Variants in ASTN2 observed in about 807,000 individuals in gnomAD.
ASTN2 encodes astrotactin 2.
In ASTN2, 54 loss-of-function variants were observed where a neutral mutation model predicts 139.8. That is an observed-to-expected ratio of 0.39 (90% CI 0.31 to 0.48). The LOEUF is 0.48. Among genes scored for constraint, ASTN2 ranks in the 20% least tolerant of loss-of-function variants. The pLI is 0.95. For missense variants in ASTN2, 1,565 were observed against 1,725.1 expected (o/e 0.91, Z 1.64); for synonymous variants, 756 against 719.5 (o/e 1.05, Z -0.81).
intron 10 of ASTN2, among the ~76,000 whole-genome samples, chr9:116,909,512 G>A (rs1834256537): frequency 6.6e-6 from 1 of 152,078 alleles, no homozygotes; most frequent in African/African-American, 2.4e-5. Flanking sequence ...AATGAGTTCC[G>A]TGTCAGACAT....
chr9:116,749,395 T>C (rs1377975668), intron 13 of ASTN2, among the ~76,000 whole-genome samples: 1 of 152,148 alleles, frequency 6.6e-6, no homozygotes, highest in Non-Finnish European at 1.5e-5. Flanking sequence ...ATGAGAATAC[T>C]GGACATATGG....
chr9:117,198,577 T>C (rs1831590526), intron 3 of ASTN2, among the ~76,000 whole-genome samples: 1 of 152,212 alleles, frequency 6.6e-6, no homozygotes, highest in African/African-American at 2.4e-5. Context: ...AGCCTTGCTA[T>C]TACAAATAGT....
chr9:117,214,512 A>G lies in ASTN2; in HGVS notation c.861T>C (p.Thr287=), dbSNP rs1212503085. Residue 287 remains threonine (T), a synonymous_variant, in exon 3 of 23, where the codon ACT becomes ACC. Transcript: ENST00000313400. ...CACAGTCATAGTCATCCAGGATGGG[A>G]GTCTCCCGGATGGGCACGCCAATGA... The part of the protein sequence containing the change: ...NSVIGVPIRE[T]PILDDYDCEE... 1 of 1,614,110 alleles carries G rather than the reference A, an allele frequency of 6.2e-7. No homozygotes were observed. Among genetic ancestry groups the G allele is most frequent in the Non-Finnish European group, 8.5e-7 (1 of 1,179,980 alleles).
intron 20 of ASTN2, among the ~76,000 whole-genome samples, chr9:116,480,173 G>A (rs1319896104): frequency 1.3e-5 from 2 of 151,764 alleles, no homozygotes; most frequent in East Asian, 3.9e-4. Flanking sequence ...AGGAAGGAAG[G>A]GAGGAAGGGA....
intron 3 of ASTN2, chr9:117,181,180 A>C (rs1255168545): frequency 1.5e-6 from 1 of 677,530 alleles, no homozygotes; most frequent in Non-Finnish European, 2.6e-6. Context: ...AAAGGAACCC[A>C]GTTGGCTTAA....
rs142671264 is a variant in ASTN2, at chr9:116,786,883, G to T, written c.2396+18749C>A. On this transcript the variant is annotated intron_variant, in intron 13 of 22. Coordinates refer to ENST00000313400, the MANE Select transcript of ASTN2 (RefSeq NM_001365068.1). ...CAGGTGAAGATAATTGAGTCATGGG[G>T]GCCATTTCCCCCATCCTGTTCTCAT... 4.8e-3 allele frequency among the ~76,000 whole-genome samples: 738 copies of T among 152,186 alleles called. 2 individuals carry two copies. Among genetic ancestry groups the T allele is most frequent in the African/African-American group, 0.017 (713 of 41,534 alleles).
intron 2 of ASTN2, among the ~76,000 whole-genome samples, chr9:117,259,799 G>T (rs1588141740): frequency 6.6e-6 from 1 of 152,060 alleles, no homozygotes; most frequent in African/African-American, 2.4e-5. Flanking sequence ...CTGTTGTTAG[G>T]AACCCCTGAG....
chr9:117,217,432 G>A (rs2133029375), intron 2 of ASTN2, among the ~76,000 whole-genome samples: 1 of 152,268 alleles, frequency 6.6e-6, no homozygotes, highest in Middle Eastern at 3.4e-3. Flanking sequence ...ACTGACCTAG[G>A]AAAGATGAGG....
Position 116,956,138 on chromosome 9 carries a change from C to T in ASTN2, c.1889+19070G>A, listed in dbSNP as rs1471653217. The stretch of plus-strand genomic sequence containing the variant: ...GAGATGGAGTTTCACTCTTGTTGCC[C>T]AGGCTGGAGTGCAATGGCGCGATGT... On this transcript the variant is annotated intron_variant, in intron 10 of 22. Coordinates refer to ENST00000313400, the MANE Select transcript of ASTN2 (RefSeq NM_001365068.1). Among the ~76,000 whole-genome samples the T allele has an allele frequency of 3.4e-5, 5 of 147,646 alleles. No individual in the cohort carries two copies. In the East Asian group the frequency reaches 7.9e-4, roughly 23 times the overall value.
Position 116,652,577 on chromosome 9 carries a change from C to G in ASTN2, c.2807-784G>C, listed in dbSNP as rs534021231. ...AAGCTTTGGGTCAAGCCAACTTCAT[C>G]TGAAATCTCAGTTCTGCTTGAAAAT... On this transcript the variant is annotated intron_variant, in intron 16 of 22. Transcript: ENST00000313400. Among the ~76,000 whole-genome samples the G allele has an allele frequency of 8.5e-5, 13 of 152,268 alleles. No homozygotes were observed. The East Asian group carries it at 1.7e-3, about 20-fold the overall frequency.
chr9:116,921,017 C>T (rs756640793), intron 10 of ASTN2, among the ~76,000 whole-genome samples: 4 of 152,156 alleles, frequency 2.6e-5, no homozygotes, highest in South Asian at 2.1e-4. Context: ...CACCGTTCTA[C>T]AGGCTTTATA....
At chr9:116,765,334 A>C (rs530910175) in intron 13 of ASTN2, among the ~76,000 whole-genome samples, 1 of 152,222 alleles carries the variant, frequency 6.6e-6, no homozygotes, top group African/African-American at 2.4e-5. Flanking sequence ...GGCTATTCAA[A>C]ACCCCTTCCC....
chr9:117,120,133 G>A (rs1829519009), intron 4 of ASTN2, among the ~76,000 whole-genome samples: 3 of 149,558 alleles, frequency 2.0e-5, no homozygotes, highest in African/African-American at 7.4e-5. Context: ...TGGGTGTGGG[G>A]GTGGGAATAA....
intron 7 of ASTN2, among the ~76,000 whole-genome samples, chr9:116,995,979 A>G (rs755850044): frequency 2.6e-5 from 4 of 152,144 alleles, no homozygotes; most frequent in Admixed American, 6.6e-5. Context: ...GGCTAGGACT[A>G]CAGGTGCATG....
intron 20 of ASTN2, among the ~76,000 whole-genome samples, chr9:116,475,981 T>C (rs1033404492): frequency 1.3e-5 from 2 of 152,172 alleles, no homozygotes; most frequent in Non-Finnish European, 2.9e-5. Flanking sequence ...CTCATATTAG[T>C]TTCTTAGGGC....
chr9:116,563,661 T>C (rs1460008487), intron 19 of ASTN2, among the ~76,000 whole-genome samples: 1 of 152,164 alleles, frequency 6.6e-6, no homozygotes, highest in East Asian at 1.9e-4. Context: ...TCTAGCATAG[T>C]TGTCTTTTTT....
chr9:117,017,213 C>T (rs901641049), intron 6 of ASTN2, among the ~76,000 whole-genome samples: 15 of 144,278 alleles, frequency 1.0e-4, no homozygotes, highest in Non-Finnish European at 2.1e-4. Flanking sequence ...AGAATTTTGG[C>T]TGAAGGTTGA....
intron 1 of ASTN2, among the ~76,000 whole-genome samples, chr9:117,386,837 C>T (rs1231019403): frequency 2.0e-5 from 3 of 152,136 alleles, no homozygotes; most frequent in Non-Finnish European, 4.4e-5. Context: ...CCTCCTACAC[C>T]CACAGAGCTT....
At chr9:117,031,946 T>C (rs1489660657) in intron 6 of ASTN2, among the ~76,000 whole-genome samples, 1 of 152,166 alleles carries the variant, frequency 6.6e-6, no homozygotes, top group Non-Finnish European at 1.5e-5. Flanking sequence ...GTATGCGATG[T>C]TTTGATATTT....
Sources: allele counts gnomAD v4.1 joint callset (sites outside exome capture counted in the v4.1 genomes callset), GRCh38; gene constraint gnomAD v4.1.1; transcripts MANE v1.5; gene names NCBI Gene and HGNC (gene_info 2026-07-23, HGNC 2026-07-21).